Variants in BCO1 observed in about 807,000 individuals in gnomAD.
The protein encoded by BCO1 is beta-carotene oxygenase 1.
In BCO1, 54 loss-of-function variants were observed where a neutral mutation model predicts 56.3. The observed-to-expected ratio is 0.96, with a 90% CI of 0.77 to 1.20. The LOEUF (loss-of-function observed/expected upper bound fraction) is 1.20, where lower values mean the gene tolerates loss of function less well. BCO1 is among the 50% of genes most tolerant of loss of function. The pLI, the probability that BCO1 is intolerant of heterozygous loss-of-function variation, is 0.00. For synonymous variants in BCO1, 318 were observed against 266.1 expected (o/e 1.20, Z -1.90); for missense variants, 801 against 690.9 (o/e 1.16, Z -1.79).
intron 5 of BCO1, among the ~76,000 whole-genome samples, chr16:81,266,489 C>G (rs1388822098): frequency 2.6e-5 from 4 of 152,070 alleles, no homozygotes; most frequent in Admixed American, 2.6e-4. Context: ...TGTAGAGCCC[C>G]CTGAGCAAAC....
rs1359420346 is a variant in BCO1, at chr16:81,287,253, TCAAA to T, written c.1303-38_1303-35del. The T allele has an allele frequency of 2.8e-6, 4 of 1,431,512 alleles. No homozygotes were observed. In the Admixed American group the frequency reaches 5.0e-5, roughly 18 times the overall value. The allele number at this position is 1,431,512 out of a possible 1,614,324, so 88.7% of individuals were successfully genotyped here. On this transcript the variant is annotated intron_variant, in intron 9 of 10. Transcript: ENST00000258168. ...CCTATTTGCAGAGAATAGTATTCTC[TCAAA>T]CAAGTCATTTATGTGTTTTTCCTCG...
At chr16:81,254,396 C>T (rs2151932321) in intron 2 of BCO1, among the ~76,000 whole-genome samples, 1 of 150,286 alleles carries the variant, frequency 6.7e-6, no homozygotes, top group Non-Finnish European at 1.5e-5. Flanking sequence ...GACGATCCGC[C>T]CATCTTGGCC....
chr16:81,286,462 G>C (rs1376440293), intron 9 of BCO1, among the ~76,000 whole-genome samples: 2 of 152,118 alleles, frequency 1.3e-5, no homozygotes, highest in Non-Finnish European at 2.9e-5. Flanking sequence ...CACCCTTAAA[G>C]CAACAAAGGG....
intron 2 of BCO1, among the ~76,000 whole-genome samples, chr16:81,254,855 A>C (rs1189768279): frequency 6.6e-6 from 1 of 152,000 alleles, no homozygotes; most frequent in Non-Finnish European, 1.5e-5. Flanking sequence ...GAAGTGCAGT[A>C]GTGCGATCTT....
chr16:81,287,912 C>T (rs918193454), intron 10 of BCO1, among the ~76,000 whole-genome samples: 1 of 152,122 alleles, frequency 6.6e-6, no homozygotes, highest in Admixed American at 6.5e-5. Flanking sequence ...TATTGGGACT[C>T]AGTCATGTAA....
chr16:81,259,629 C>T, intron 2 of BCO1, 47 bp from the exon 3 acceptor site: 1 of 1,613,682 alleles, frequency 6.2e-7, no homozygotes, highest in Non-Finnish European at 8.5e-7. Flanking sequence ...GATTTTAAAG[C>T]CCTGTGAAGG....
intron 10 of BCO1, among the ~76,000 whole-genome samples, chr16:81,288,204 CATTAA>C (rs199882347): frequency 0.17 from 25,371 of 152,034 alleles, 2,650 homozygotes; most frequent in Non-Finnish European, 0.23. Context: ...CACTCAGTGA[CATTAA>C]ACTCTCTCAG....
At chr16:81,276,944 G>A (rs945560157) in intron 7 of BCO1, among the ~76,000 whole-genome samples, 11 of 151,434 alleles carry the variant, frequency 7.3e-5, no homozygotes. Context: ...GCTCATGCCT[G>A]TAACCTCAGC....
chr16:81,256,281 A>G (rs1906132487), intron 2 of BCO1, among the ~76,000 whole-genome samples: 1 of 152,064 alleles, frequency 6.6e-6, no homozygotes, highest in African/African-American at 2.4e-5. Context: ...TTTTCCTAAG[A>G]TATCAAAAGG....
intron 3 of BCO1, 72 bp from the exon 4 acceptor site, chr16:81,262,064 A>G: frequency 6.4e-7 from 1 of 1,559,018 alleles, no homozygotes; most frequent in Non-Finnish European, 8.8e-7. Flanking sequence ...GGAAAACTAA[A>G]GCCATCAAGG....
chr16:81,282,310 C>G (rs1190880392), intron 8 of BCO1, among the ~76,000 whole-genome samples: 4 of 152,006 alleles, frequency 2.6e-5, no homozygotes, highest in Non-Finnish European at 4.4e-5. Context: ...GCTTGAACCC[C>G]GAAGGCAGAG....
Position 81,238,866 on chromosome 16 carries a change from A to G in BCO1, c.-43A>G, listed in dbSNP as rs764454500. 6.4e-7 allele frequency: 1 copy of G among 1,559,070 alleles called. No homozygotes were observed. The highest frequency in any genetic ancestry group is 8.8e-7 in the Non-Finnish European group (1 of 1,130,020). On this transcript the variant is annotated 5_prime_UTR_variant, in exon 1 of 11. Coordinates refer to ENST00000258168, the MANE Select transcript of BCO1 (RefSeq NM_017429.3). ...GCATCTCCTGTGAACACAGAGGAGC[A>G]CCTGTTTGCTGTTAAAATCGATCTC...
At position 81,270,371 on chromosome 16, in the gene BCO1, G is replaced by A. The variant is rs145123914; in HGVS notation, c.1056G>A (p.Ser352=). The part of the protein sequence containing the change: ...QDFKENSRLT[S]VPTLRRFAVP... ...TCAAGGAGAACTCCAGGCTCACCTCGGTCCCCACCCTCAGGAGGTTTGCCG... is the reference window on the plus strand; with the variant it reads ...TCAAGGAGAACTCCAGGCTCACCTCAGTCCCCACCCTCAGGAGGTTTGCCG... The change falls in exon 7 of 11, where the codon TCG becomes TCA. Residue 352 remains serine (S), a synonymous_variant. Transcript: ENST00000258168. 1.2e-5 allele frequency: 19 copies of A among 1,613,868 alleles called. No homozygotes were observed. Among genetic ancestry groups the A allele is most frequent in the Middle Eastern group, 1.6e-4 (1 of 6,084 alleles).
chr16:81,239,019 TA>T (rs201438291), intron 1 of BCO1, 47 bp downstream of exon 1: 175 of 1,468,578 alleles, frequency 1.2e-4, no homozygotes, highest in South Asian at 2.2e-4. Flanking sequence ...TTTATTTTAT[TA>T]TTTTTTTTTT....
chr16:81,259,493 A>C (rs183643799), intron 2 of BCO1, among the ~76,000 whole-genome samples, 183 bp from the exon 3 acceptor site: 1 of 152,106 alleles, frequency 6.6e-6, no homozygotes, highest in Non-Finnish European at 1.5e-5. Context: ...AAACTCAAAA[A>C]AATAATAATA....
intron 7 of BCO1, among the ~76,000 whole-genome samples, chr16:81,275,586 A>G (rs1245081680): frequency 6.6e-6 from 1 of 152,236 alleles, no homozygotes; most frequent in Non-Finnish European, 1.5e-5. Flanking sequence ...TCTCATCAGC[A>G]GTTCATCTGC....
chr16:81,242,929 A>T (rs1905204416), intron 1 of BCO1, among the ~76,000 whole-genome samples: 1 of 152,060 alleles, frequency 6.6e-6, no homozygotes, highest in South Asian at 2.1e-4. Context: ...TGCGCTCCTT[A>T]TAAGAATCGA....
At chr16:81,269,342 G>C (rs111723670) in intron 6 of BCO1, among the ~76,000 whole-genome samples, 3,803 of 150,474 alleles carry the variant, frequency 0.025, 147 homozygotes, top group African/African-American at 0.088. Flanking sequence ...CTGTCACCCA[G>C]GCTGGAGCGC....
rs187490582 is a variant in BCO1 at position 81,253,833 on chromosome 16, C to T, written c.194-5843C>T. ...AAAAAATTAGCCAGGCATGGTAGCACGCACCTATAGTCCCAGTTACTTGGG... is the reference window on the plus strand; with the variant it reads ...AAAAAATTAGCCAGGCATGGTAGCATGCACCTATAGTCCCAGTTACTTGGG... On this transcript the variant is annotated intron_variant, in intron 2 of 10. Coordinates refer to ENST00000258168, the MANE Select transcript of BCO1 (RefSeq NM_017429.3). Among the ~76,000 whole-genome samples, 46 of 152,238 alleles carry T rather than the reference C, an allele frequency of 3.0e-4. 1 individual carries two copies. The highest frequency in any genetic ancestry group is 1.0e-3 in the African/African-American group (43 of 41,548).
Sources: allele counts gnomAD v4.1 joint callset (sites outside exome capture counted in the v4.1 genomes callset), GRCh38; gene constraint gnomAD v4.1.1; transcripts MANE v1.5; gene names NCBI Gene and HGNC (gene_info 2026-07-23, HGNC 2026-07-21).